Variants in GIPC2 observed in about 807,000 individuals in gnomAD.
GIPC2 encodes PDZ domain-containing protein GIPC2.
GIPC2 carries 30 observed loss-of-function variants against 30.6 expected under a neutral mutation model. That is an observed-to-expected ratio of 0.98 (90% confidence interval 0.73 to 1.33). The LOEUF is 1.33. GIPC2 is among the 40% of genes most tolerant of loss of function. The pLI is 0.00. For missense variants in GIPC2, 414 were observed against 390.3 expected (o/e 1.06, Z -0.51); for synonymous variants, 167 against 150.0 (o/e 1.11, Z -0.83).
intron 1 of GIPC2, among the ~76,000 whole-genome samples, chr1:78,061,434 T>C (rs1049841903): frequency 7.2e-5 from 11 of 152,108 alleles, no homozygotes; most frequent in African/African-American, 2.7e-4. Context: ...GTGATTAAAA[T>C]GTGGAGTGGG....
In GIPC2 at chr1:78,136,293, A is replaced by G. The variant is rs866928048; in HGVS notation, c.*550A>G. ...AGATTCCTGTGGCATGTTGATTTCT[A>G]TGGCCAACTTTCTCTCTTTGTAAAA... On this transcript the variant is annotated 3_prime_UTR_variant, in exon 6 of 6. Coordinates refer to ENST00000370759, the MANE Select transcript of GIPC2 (RefSeq NM_017655.6). 2.6e-5 allele frequency: 4 copies of G among 151,970 alleles called. No homozygotes were observed. Among genetic ancestry groups the G allele is most frequent in the African/African-American group, 4.8e-5 (2 of 41,402 alleles). 9.4% of individuals were successfully genotyped at this position (151,970 alleles called of 1,614,324 possible). A position where few individuals can be genotyped will look rare whatever the true frequency, so the allele number is the denominator to read the frequency against.
chr1:78,080,923 C>A, intron 2 of GIPC2, 63 bp downstream of exon 2: 1 of 937,002 alleles, frequency 1.1e-6, no homozygotes, highest in Non-Finnish European at 1.5e-6. Flanking sequence ...ATCTACCAGG[C>A]CAAAGAAAGT....
intron 4 of GIPC2, among the ~76,000 whole-genome samples, chr1:78,120,478 C>G (rs1054050580): frequency 2.0e-5 from 3 of 152,206 alleles, no homozygotes; most frequent in Admixed American, 6.5e-5. Context: ...TCCCTCCACC[C>G]CTCCCACTGC....
intron 3 of GIPC2, among the ~76,000 whole-genome samples, chr1:78,116,339 A>G (rs1571520228): frequency 6.6e-6 from 1 of 152,252 alleles, no homozygotes. Flanking sequence ...GAGCCAAACC[A>G]TATCACCTAG....
At position 78,111,780 on chromosome 1, in the gene GIPC2, A is replaced by G. The variant is rs576071041; in HGVS notation, c.608-7613A>G. ...TTGAGTACTTAAAACTATGCTGTAA[A>G]TAGGTGTAAATATTTTGTAAATAAG... On this transcript the variant is annotated intron_variant, in intron 3 of 5. Coordinates refer to ENST00000370759, the MANE Select transcript of GIPC2 (RefSeq NM_017655.6). 3.9e-5 allele frequency among the ~76,000 whole-genome samples: 6 copies of G among 152,364 alleles called. No homozygotes were observed. In the South Asian group the frequency reaches 1.2e-3, roughly 32 times the overall value.
At chr1:78,081,813 C>T (rs1661834156) in intron 2 of GIPC2, among the ~76,000 whole-genome samples, 1 of 152,138 alleles carries the variant, frequency 6.6e-6, no homozygotes, top group Non-Finnish European at 1.5e-5. Context: ...TTAATTCTCA[C>T]AATTCTATTT....
chr1:78,091,468 A>G lies in GIPC2; in HGVS notation c.427-3484A>G, dbSNP rs951694711. 6.3e-6 allele frequency: 4 copies of G among 638,464 alleles called. No homozygotes were observed. In the South Asian group the frequency reaches 6.8e-5, roughly 11 times the overall value. 39.5% of individuals were successfully genotyped at this position (638,464 alleles called of 1,614,324 possible). A position where few individuals can be genotyped will look rare whatever the true frequency, so the allele number is the denominator to read the frequency against. ...TTTGCCTGGCTTGGTGGCTGGCTCTACCTTCCCTGTTTTCACCTCCCGCTG... is the reference window on the plus strand; with the variant it reads ...TTTGCCTGGCTTGGTGGCTGGCTCTGCCTTCCCTGTTTTCACCTCCCGCTG... On this transcript the variant is annotated intron_variant, in intron 2 of 5. Transcript: ENST00000370759.
intron 5 of GIPC2, among the ~76,000 whole-genome samples, chr1:78,129,802 CTG>C (rs1419628166): frequency 6.6e-6 from 1 of 152,150 alleles, no homozygotes; most frequent in African/African-American, 2.4e-5. Flanking sequence ...TTTAAAGAAA[CTG>C]TGTAAGTTGT....
chr1:78,112,100 C>A (rs187984928), intron 3 of GIPC2, among the ~76,000 whole-genome samples: 2 of 152,204 alleles, frequency 1.3e-5, no homozygotes, highest in Non-Finnish European at 2.9e-5. Flanking sequence ...AGATAATATG[C>A]TTTTGAGAAG....
intron 1 of GIPC2, among the ~76,000 whole-genome samples, chr1:78,067,758 T>C (rs2100318593): frequency 6.6e-6 from 1 of 152,252 alleles, no homozygotes; most frequent in African/African-American, 2.4e-5. Context: ...GCCTCAAATT[T>C]TTCTTATAAT....
chr1:78,058,556 T>C (rs1406440557), intron 1 of GIPC2, among the ~76,000 whole-genome samples: 15 of 152,156 alleles, frequency 9.9e-5, no homozygotes, highest in Non-Finnish European at 1.5e-5. Context: ...TGACAAACAA[T>C]TTGACAAGCT....
chr1:78,126,756 C>T (rs1571528692), intron 5 of GIPC2, among the ~76,000 whole-genome samples: 1 of 152,284 alleles, frequency 6.6e-6, no homozygotes, highest in East Asian at 1.9e-4. Context: ...ACTGCTATTG[C>T]TCCACCCTCT....
At chr1:78,072,774 C>T (rs1661646283) in intron 1 of GIPC2, among the ~76,000 whole-genome samples, 1 of 151,960 alleles carries the variant, frequency 6.6e-6, no homozygotes, top group Non-Finnish European at 1.5e-5. Flanking sequence ...ATATGTGGTA[C>T]TAACTCCTGA....
chr1:78,055,428 C>G (rs1236871315), intron 1 of GIPC2, among the ~76,000 whole-genome samples: 1 of 152,150 alleles, frequency 6.6e-6, no homozygotes, highest in Non-Finnish European at 1.5e-5. Context: ...CAGTCAGGTT[C>G]CATGGACAGT....
At position 78,138,106 on chromosome 1, in the gene GIPC2, G is replaced by C. The variant is rs1663039571; in HGVS notation, c.*2363G>C. The C allele has an allele frequency of 6.6e-6, 1 of 151,902 alleles. No individual in the cohort carries two copies. The highest frequency in any genetic ancestry group is 1.5e-5 in the Non-Finnish European group (1 of 67,986). 9.4% of individuals were successfully genotyped at this position (151,902 alleles called of 1,614,324 possible). Reference sequence around the variant, plus strand: ...AATGGCCACTAATAGCACACAATGCGTTTTCTTTGATTGTAGCAGAAAATG... The same window carrying C: ...AATGGCCACTAATAGCACACAATGCCTTTTCTTTGATTGTAGCAGAAAATG... On this transcript the variant is annotated 3_prime_UTR_variant, in exon 6 of 6. Transcript: ENST00000370759.
At chr1:78,068,112 A>G (rs1335962489) in intron 1 of GIPC2, among the ~76,000 whole-genome samples, 1 of 152,168 alleles carries the variant, frequency 6.6e-6, no homozygotes, top group African/African-American at 2.4e-5. Context: ...GCATTTGTCA[A>G]TGCTTATTCT....
intron 3 of GIPC2, among the ~76,000 whole-genome samples, chr1:78,112,858 A>G (rs1038728349): frequency 2.0e-5 from 3 of 152,176 alleles, no homozygotes; most frequent in African/African-American, 7.2e-5. Context: ...GTAAAGAATG[A>G]TATATGTATA....
intron 3 of GIPC2, among the ~76,000 whole-genome samples, chr1:78,107,735 G>C (rs149335144): frequency 7.2e-6 from 1 of 138,134 alleles, no homozygotes; most frequent in Non-Finnish European, 1.5e-5. Flanking sequence ...TGAGGCATGA[G>C]AATCACTTGA....
intron 1 of GIPC2, 24 bp downstream of exon 1, chr1:78,046,358 C>G (rs2102630124): frequency 1.9e-6 from 3 of 1,561,350 alleles, no homozygotes; most frequent in Non-Finnish European, 2.6e-6. Context: ...TGCTCAGGCT[C>G]TCCCGCCTCT....
Sources: gnomAD v4.1 joint callset for allele counts (sites outside exome capture counted in the v4.1 genomes callset) on GRCh38, gnomAD v4.1.1 for gene constraint, MANE v1.5 for transcripts, NCBI Gene and HGNC (gene_info 2026-07-23, HGNC 2026-07-21) for gene names.